PLXNA4: variants seen among roughly 807,000 people sequenced by gnomAD.
PLXNA4 encodes the protein plexin A4.
A neutral mutation model predicts 191.8 loss-of-function variants in PLXNA4; 44 were observed. That is an observed-to-expected ratio of 0.23 (90% CI 0.18 to 0.29). The LOEUF (loss-of-function observed/expected upper bound fraction) is 0.29, where lower values mean the gene tolerates loss of function less well. Among genes scored for constraint, PLXNA4 ranks in the 10% least tolerant of loss-of-function variants. The probability of loss-of-function intolerance (pLI) is 1.00; values close to 1 mark genes in which losing one functional copy is unlikely to be tolerated. For synonymous variants in PLXNA4, 1,082 were observed against 1,009.5 expected (o/e 1.07, Z -1.36); for missense variants, 1,800 against 2,488.8 (o/e 0.72, Z 5.89).
At chr7:132,430,686 C>T (rs547128003) in intron 3 of PLXNA4, among the ~76,000 whole-genome samples, 2 of 152,154 alleles carry the variant, frequency 1.3e-5, no homozygotes, top group East Asian at 1.9e-4. Flanking sequence ...GCTAACAACC[C>T]AGAGTTAAGC....
intron 29 of PLXNA4, 29 bp downstream of exon 29, chr7:132,145,090 G>C: frequency 6.2e-7 from 1 of 1,613,438 alleles, no homozygotes; most frequent in Admixed American, 1.7e-5. Context: ...CAGGGCTCCC[G>C]ATGTGCCCCC....
chr7:132,431,280 G>A (rs557775081), intron 3 of PLXNA4, among the ~76,000 whole-genome samples: 6 of 152,206 alleles, frequency 3.9e-5, no homozygotes, highest in Non-Finnish European at 8.8e-5. Context: ...CCAGAGAGGT[G>A]GAAGGGTAGT....
chr7:132,226,074 C>T (rs1360067683), intron 8 of PLXNA4, 87 bp downstream of exon 8: 1 of 1,275,536 alleles, frequency 7.8e-7, no homozygotes, highest in Non-Finnish European at 1.1e-6. Context: ...TAAATGGTGA[C>T]TCCCTGGGAA....
intron 2 of PLXNA4, among the ~76,000 whole-genome samples, chr7:132,603,468 T>C (rs1234058641): frequency 3.9e-5 from 6 of 152,190 alleles, no homozygotes; most frequent in African/African-American, 1.4e-4. Flanking sequence ...AAAAGATTCA[T>C]TGACCTCCCC....
chr7:132,322,672 G>A (rs529709413), intron 3 of PLXNA4, among the ~76,000 whole-genome samples: 38 of 152,286 alleles, frequency 2.5e-4, no homozygotes, highest in Non-Finnish European at 4.6e-4. Flanking sequence ...GAGTTGCTCC[G>A]TCACTATCAC....
At chr7:132,297,233 T>C (rs1031806833) in intron 4 of PLXNA4, among the ~76,000 whole-genome samples, 4 of 152,150 alleles carry the variant, frequency 2.6e-5, no homozygotes, top group African/African-American at 9.6e-5. Context: ...TACATATTCA[T>C]GGGATAGAGG....
At chr7:132,541,043 G>C (rs1283042051) in intron 1 of PLXNA4, among the ~76,000 whole-genome samples, 1 of 152,162 alleles carries the variant, frequency 6.6e-6, no homozygotes, top group East Asian at 1.9e-4. Context: ...AATCAATAAA[G>C]ATTTATTTCA....
chr7:132,232,220 T>C (rs570129435), intron 5 of PLXNA4, among the ~76,000 whole-genome samples: 2 of 152,248 alleles, frequency 1.3e-5, no homozygotes, highest in South Asian at 4.2e-4. Context: ...AGATGTTTCA[T>C]TCCAAGAGGC....
intron 20 of PLXNA4, 40 bp downstream of exon 20, chr7:132,179,647 C>T (rs373449239): frequency 5.6e-5 from 89 of 1,575,266 alleles, no homozygotes; most frequent in African/African-American, 1.9e-4. Context: ...TATGCACACA[C>T]GCACACACAC....
At chr7:132,276,765 C>CATTT (rs1800296736) in intron 4 of PLXNA4, among the ~76,000 whole-genome samples, 1 of 152,116 alleles carries the variant, frequency 6.6e-6, no homozygotes, top group African/African-American at 2.4e-5. Flanking sequence ...AAAGAAAAGA[C>CATTT]ATTTTTTCCT....
At chr7:132,515,421 G>A (rs899981279) in intron 1 of PLXNA4, among the ~76,000 whole-genome samples, 8 of 152,194 alleles carry the variant, frequency 5.3e-5, no homozygotes, top group South Asian at 4.2e-4. Context: ...GTTTGGGTTC[G>A]GTTTTCTGGC....
At chr7:132,548,624 C>A (rs1450107394) in intron 1 of PLXNA4, among the ~76,000 whole-genome samples, 1 of 152,168 alleles carries the variant, frequency 6.6e-6, no homozygotes, top group Non-Finnish European at 1.5e-5. Context: ...AGCTTTTAAA[C>A]CTTAATCTGT....
intron 25 of PLXNA4, among the ~76,000 whole-genome samples, chr7:132,153,076 G>A (rs769726649): frequency 1.3e-5 from 2 of 152,242 alleles, no homozygotes; most frequent in Non-Finnish European, 2.9e-5. Flanking sequence ...GGCTGTGCAA[G>A]AGCCTGCTGG....
intron 25 of PLXNA4, among the ~76,000 whole-genome samples, chr7:132,151,298 AAGGAGGAGGAAGAAGG>A (rs1562884832): frequency 0.023 from 725 of 31,444 alleles, 3 homozygotes; most frequent in African/African-American, 0.031. Flanking sequence ...GAGGAAGAAG[AAGGAGGAGGAAGAAGG>A]AGGAGGAGGA....
Position 132,202,682 on chromosome 7 carries a change from A to G in PLXNA4, c.2550T>C (p.Gly850=). 6.4e-7 allele frequency: 1 copy of G among 1,561,818 alleles called. No individual in the cohort carries two copies. The highest frequency in any genetic ancestry group is 2.3e-5 in the East Asian group (1 of 43,186). Residue 850 remains glycine (G), a synonymous_variant, in exon 12 of 32, where the codon GGT becomes GGC. Coordinates refer to ENST00000321063, the MANE Select transcript of PLXNA4 (RefSeq NM_020911.2). The stretch of plus-strand genomic sequence containing the variant: ...GGGGGTTTGTGCACTTGCTTTTGGC[A>G]CCAGACAGCTCCAGCCACTGGCTCT... ...AQESQWLELS[G]AKSKCTNPRI...
At chr7:132,620,100 C>T (rs186791028) in intron 2 of PLXNA4, among the ~76,000 whole-genome samples, 78 of 152,304 alleles carry the variant, frequency 5.1e-4, no homozygotes, top group African/African-American at 1.7e-3. Flanking sequence ...CCGCGCCTGG[C>T]CCATTTTTCT....
chr7:132,342,058 T>G (rs1803050975), intron 3 of PLXNA4, among the ~76,000 whole-genome samples: 1 of 151,636 alleles, frequency 6.6e-6, no homozygotes, highest in Non-Finnish European at 1.5e-5. Context: ...GGGGGTGACA[T>G]TAACCAAGCA....
chr7:132,575,983 G>C (rs958179381), intron 1 of PLXNA4, among the ~76,000 whole-genome samples: 1 of 152,182 alleles, frequency 6.6e-6, no homozygotes, highest in East Asian at 1.9e-4. Context: ...CCACGGGGCC[G>C]CGATGACACT....
chr7:132,318,134 C>T (rs895432141), intron 3 of PLXNA4, among the ~76,000 whole-genome samples: 1 of 152,158 alleles, frequency 6.6e-6, no homozygotes, highest in African/African-American at 2.4e-5. Flanking sequence ...ACAAGCAGGC[C>T]TGCAGGCAGG....
Sources: allele counts gnomAD v4.1 joint callset (sites outside exome capture counted in the v4.1 genomes callset), GRCh38; gene constraint gnomAD v4.1.1; transcripts MANE v1.5; gene names NCBI Gene and HGNC (gene_info 2026-07-23, HGNC 2026-07-21).